The following TFB1M variants were observed in gnomAD, a reference collection of about 807,000 sequenced individuals.
The protein encoded by TFB1M is dimethyladenosine transferase 1, mitochondrial.
A neutral mutation model predicts 31.1 loss-of-function variants in TFB1M; 27 were observed. The observed-to-expected ratio is 0.87, with a 90% confidence interval of 0.64 to 1.20. The LOEUF (loss-of-function observed/expected upper bound fraction) is 1.20, where lower values mean the gene tolerates loss of function less well. Among genes scored for constraint, TFB1M ranks in the 50% most tolerant of loss-of-function variants. TFB1M has a pLI of 0.00. For synonymous variants in TFB1M, 166 were observed against 151.8 expected, an observed-to-expected ratio of 1.09 and a Z score of -0.69; for missense variants, 394 against 418.7, an observed-to-expected ratio of 0.94 and a Z score of 0.51.
rs898024922 is a variant in TFB1M at position 155,309,259 on chromosome 6, T to C, written c.285+1929A>G. On this transcript the variant is annotated intron_variant, in intron 2 of 6. Transcript: ENST00000367166. ...TAGTGGTCAACTTTTTTGTTTCTCA[T>C]GTGAGACATTTACTGAACACCTGCT... 5.3e-5 allele frequency among the ~76,000 whole-genome samples: 8 copies of C among 152,346 alleles called. No homozygotes were observed. In the East Asian group the frequency reaches 1.3e-3, roughly 26 times the overall value.
chr6:155,314,193 C>G, intron 1 of TFB1M, 103 bp downstream of exon 1: 5 of 1,561,752 alleles, frequency 3.2e-6, no homozygotes, highest in Non-Finnish European at 3.5e-6. Context: ...GCCCGTCGCA[C>G]GCCAGTGCCT....
chr6:155,232,328 T>C, the TFB1M span, among the ~76,000 whole-genome samples: 1 of 152,280 alleles, frequency 6.6e-6, no homozygotes, highest in Admixed American at 6.5e-5. Context: ...TGCTTGAATA[T>C]GACAGCTGAC....
At chr6:155,279,870 T>C (rs992594025) in intron 5 of TFB1M, among the ~76,000 whole-genome samples, 2 of 152,186 alleles carry the variant, frequency 1.3e-5, no homozygotes, top group African/African-American at 4.8e-5. Flanking sequence ...CAAATACTCT[T>C]ATCTCTATTC....
intron 5 of TFB1M, chr6:155,276,047 G>T: frequency 2.5e-6 from 4 of 1,614,112 alleles, no homozygotes; most frequent in Non-Finnish European, 3.4e-6. Flanking sequence ...CTTAGGAGGG[G>T]ACAGAGAAAC....
chr6:155,264,478 C>G (rs1182759825), intron 5 of TFB1M, among the ~76,000 whole-genome samples: 1 of 152,232 alleles, frequency 6.6e-6, no homozygotes, highest in Middle Eastern at 3.2e-3. Context: ...AACCTTAAAG[C>G]TGACAGCATT....
At chr6:155,276,711 C>A (rs987215903) in intron 5 of TFB1M, among the ~76,000 whole-genome samples, 6 of 152,146 alleles carry the variant, frequency 3.9e-5, no homozygotes, top group African/African-American at 1.4e-4. Flanking sequence ...TATAAAAGAA[C>A]TAAACTGCCA....
chr6:155,249,745 C>T, the TFB1M span: 3 of 876,760 alleles, frequency 3.4e-6, no homozygotes, highest in African/African-American at 3.4e-5. Context: ...CTAGTGGGTA[C>T]TGGTCTGGAA....
At chr6:155,236,151 C>T in the TFB1M span, among the ~76,000 whole-genome samples, 2 of 151,852 alleles carry the variant, frequency 1.3e-5, no homozygotes, top group Admixed American at 1.3e-4. Flanking sequence ...TCATAGGAGG[C>T]CACAACCAGA....
At chr6:155,286,436 T>C (rs867467599) in intron 4 of TFB1M, among the ~76,000 whole-genome samples, 4 of 150,982 alleles carry the variant, frequency 2.6e-5, no homozygotes, top group Middle Eastern at 3.2e-3. Flanking sequence ...TCTATGTATG[T>C]CTTTTCTTAT....
At chr6:155,231,160 A>G in the TFB1M span, among the ~76,000 whole-genome samples, 5 of 152,220 alleles carry the variant, frequency 3.3e-5, no homozygotes, top group Admixed American at 2.0e-4. Context: ...TTCCCTTACC[A>G]GTAAATCACG....
intron 2 of TFB1M, among the ~76,000 whole-genome samples, chr6:155,310,325 G>A (rs1264852311): frequency 2.0e-5 from 3 of 152,164 alleles, no homozygotes; most frequent in Non-Finnish European, 4.4e-5. Context: ...GACATTAAGT[G>A]TTCCCCTATG....
In TFB1M at chr6:155,297,108, G is replaced by C. The variant is rs191530509; in HGVS notation, c.395-4C>G. 4 of 1,613,022 alleles carry C rather than the reference G, an allele frequency of 2.5e-6. No individual in the cohort carries two copies. The highest frequency in any genetic ancestry group is 2.2e-5 in the East Asian group (1 of 44,818). On this transcript the variant is annotated splice_polypyrimidine_tract_variant and splice_region_variant and intron_variant, in intron 3 of 6. Transcript: ENST00000367166. The stretch of plus-strand genomic sequence containing the variant: ...ATAATATGTACATTTGGAGGATCTG[G>C]TGGCAGAGGAAAAAACAACCTGAAA...
At chr6:155,248,246 C>G in the TFB1M span, 2 of 1,518,212 alleles carry the variant, frequency 1.3e-6, no homozygotes, top group African/African-American at 2.8e-5. Flanking sequence ...CAGCCGTGCC[C>G]TGGGCCTGAC....
Position 155,314,407 on chromosome 6 carries a change from T to A in TFB1M, c.22A>T (p.Ser8Cys), listed in dbSNP as rs112816108. 4 of 1,614,088 alleles carry A rather than the reference T, an allele frequency of 2.5e-6. No homozygotes were observed. The highest frequency in any genetic ancestry group is 3.4e-6 in the Non-Finnish European group (4 of 1,180,046). Residue 8 changes from serine (S) to cysteine (C), a missense_variant, in exon 1 of 7, where the codon AGC becomes TGC. By Grantham distance (112) the Ser-to-Cys change is moderately radical. Transcript: ENST00000367166. MAASGKL[S>C]TCRLPPLPTI... ...GGCAACGGAGGGAGACGGCAAGTGCTGAGTTTTCCGGAGGCAGCCATGATA... is the reference window on the plus strand; with the variant it reads ...GGCAACGGAGGGAGACGGCAAGTGCAGAGTTTTCCGGAGGCAGCCATGATA...
chr6:155,304,267 A>T (rs1453457559), intron 2 of TFB1M, among the ~76,000 whole-genome samples: 1 of 152,096 alleles, frequency 6.6e-6, no homozygotes, highest in Non-Finnish European at 1.5e-5. Context: ...GGGCACCAGG[A>T]GCGAAACTCT....
the TFB1M span, among the ~76,000 whole-genome samples, chr6:155,235,069 TAG>T: frequency 1.3e-5 from 2 of 151,942 alleles, no homozygotes; most frequent in African/African-American, 4.8e-5. Flanking sequence ...GGAGCAGAGC[TAG>T]AGAGGGGAAC....
the TFB1M span, chr6:155,244,070 C>T: frequency 6.2e-7 from 1 of 1,613,852 alleles, no homozygotes; most frequent in South Asian, 1.1e-5. Context: ...CCTTTCTTAC[C>T]CAAGATGAGG....
chr6:155,251,981 A>G, downstream of TFB1M: 1 of 1,605,510 alleles, frequency 6.2e-7, no homozygotes, highest in South Asian at 1.1e-5. Context: ...TATAAAGAAA[A>G]CTGCAAACTG....
chr6:155,251,580 CCT>C (rs753937241), downstream of TFB1M, among the ~76,000 whole-genome samples: 2 of 152,174 alleles, frequency 1.3e-5, no homozygotes, highest in African/African-American at 2.4e-5. Context: ...AGCCACCGTG[CCT>C]GGCCAGAAAC....
Sources: gnomAD v4.1 joint callset for allele counts (sites outside exome capture counted in the v4.1 genomes callset) on GRCh38, gnomAD v4.1.1 for gene constraint, MANE v1.5 for transcripts, NCBI Gene and HGNC (gene_info 2026-07-23, HGNC 2026-07-21) for gene names.